The following MYH11 variants were observed in gnomAD, a reference collection of about 807,000 sequenced individuals.
MYH11 encodes the protein myosin-11.
Under a neutral mutation model 246.6 loss-of-function variants are expected in MYH11, and 80 were observed. The observed-to-expected ratio is 0.32, with a 90% CI of 0.27 to 0.39. The LOEUF (loss-of-function observed/expected upper bound fraction) is 0.39, where lower values mean the gene tolerates loss of function less well. Ranked by LOEUF, MYH11 falls within the 10% of genes least tolerant of loss-of-function variation. The pLI is 1.00. For missense variants in MYH11, 2,158 were observed against 2,546.8 expected, an observed-to-expected ratio of 0.85 and a Z score of 3.29; for synonymous variants, 1,071 against 1,015.5, an observed-to-expected ratio of 1.05 and a Z score of -1.04.
chr16:15,711,215 G>C (rs1024710176), intron 40 of MYH11: 1 of 152,180 alleles, frequency 6.6e-6, no homozygotes, highest in African/African-American at 2.4e-5. Context: ...TCACGCAGTG[G>C]TCCCCAAACT....
At chr16:15,724,112 C>T in intron 31 of MYH11, 49 bp downstream of exon 31, 1 of 1,610,058 alleles carries the variant, frequency 6.2e-7, no homozygotes, top group Non-Finnish European at 8.5e-7. Context: ...GAGCTGATTC[C>T]CCAACCCAGC....
At chr16:15,824,555 A>C (rs1383952412) in intron 2 of MYH11, among the ~76,000 whole-genome samples, 1 of 152,204 alleles carries the variant, frequency 6.6e-6, no homozygotes, top group Non-Finnish European at 1.5e-5. Context: ...TGCTGGGATT[A>C]CAGGTGGGAA....
chr16:15,786,162 T>G lies in MYH11; in HGVS notation c.633+468A>C, dbSNP rs140524009. 198 of 327,952 alleles carry G rather than the reference T, an allele frequency of 6.0e-4. 3 individuals are homozygous for G. In the East Asian group the frequency reaches 0.012, roughly 20 times the overall value. 20.3% of individuals were successfully genotyped at this position (327,952 alleles called of 1,614,324 possible). ...GGAGTGCTTCTCAATCAAGGGCAAC[T>G]GTCCCACCCCAGGGAACATCTGACA... On this transcript the variant is annotated intron_variant, in intron 5 of 40. Transcript: ENST00000300036.
At chr16:15,799,000 G>A (rs993179257) in intron 3 of MYH11, among the ~76,000 whole-genome samples, 7 of 152,180 alleles carry the variant, frequency 4.6e-5, no homozygotes, top group South Asian at 2.1e-4. Flanking sequence ...TTAGGTTAGG[G>A]ACCAAACGCA....
chr16:15,712,882 G>GTTGTTTTTTTTTTTTTTTTTTT (rs2039887286), intron 40 of MYH11: 2 of 90,634 alleles, frequency 2.2e-5, no homozygotes. Context: ...TTCACATACA[G>GTTGTTTTTTTTTTTTTTTTTTT]TTTTTTTTTT....
chr16:15,708,886 G>A, intron 40 of MYH11: 1 of 1,565,430 alleles, frequency 6.4e-7, no homozygotes, highest in Non-Finnish European at 8.8e-7. Context: ...CAGCAAACAA[G>A]AAGGAGCCCG....
rs527381094 is a variant in MYH11 at position 15,719,565 on chromosome 16, C to T, written c.5082+20G>A. 2.7e-5 allele frequency: 43 copies of T among 1,613,624 alleles called. No individual in the cohort carries two copies. Among genetic ancestry groups the T allele is most frequent in the Non-Finnish European group, 3.6e-5 (42 of 1,180,006 alleles). On this transcript the variant is annotated intron_variant, in intron 35 of 40. Transcript: ENST00000300036. The stretch of plus-strand genomic sequence containing the variant: ...CGTGACACCCGCATCTGAGGCTCTC[C>T]TAGCAAGGCGAGGCTTTACCTCTTG...
At chr16:15,717,942 G>C (rs755255914) in intron 37 of MYH11, 11 of 363,770 alleles carry the variant, frequency 3.0e-5, no homozygotes, top group Non-Finnish European at 4.7e-5. Context: ...ATGGTCCCTA[G>C]TGCCCACCAT....
chr16:15,834,684 T>C (rs1473488850), intron 2 of MYH11, among the ~76,000 whole-genome samples: 2 of 152,168 alleles, frequency 1.3e-5, no homozygotes, highest in Non-Finnish European at 2.9e-5. Context: ...TCAGCTTCCT[T>C]CCCTAAAAGG....
At chr16:15,707,733 A>T (rs2039533024) in intron 40 of MYH11, among the ~76,000 whole-genome samples, 1 of 152,160 alleles carries the variant, frequency 6.6e-6, no homozygotes, top group Admixed American at 6.6e-5. Context: ...GCATTTGGGG[A>T]GGCCAAGGCG....
chr16:15,726,369 C>T (rs370168978), intron 28 of MYH11: 1,709 of 149,592 alleles, frequency 0.011, 26 homozygotes, highest in African/African-American at 0.04. Flanking sequence ...GGTTTTTTTT[C>T]TTTTTTTTTT....
chr16:15,802,928 G>C (rs2042920664), intron 3 of MYH11, among the ~76,000 whole-genome samples: 1 of 152,076 alleles, frequency 6.6e-6, no homozygotes. Context: ...CCTGAGGTCA[G>C]GAGTTCGAGA....
rs1263242137 is a variant in MYH11, at chr16:15,838,061, C to G, written c.192G>C (p.Glu64Asp). The change falls in exon 2 of 41, where the codon GAG becomes GAC. Residue 64 changes from glutamate (E) to aspartate (D), a missense_variant. By Grantham distance (45) the Glu-to-Asp change is conservative (BLOSUM62 2). This residue lies in a region of MYH11 where 96 missense variants were observed against 91.9 expected (regional missense o/e 1.04). Coordinates refer to ENST00000300036, the MANE Select transcript of MYH11 (RefSeq NM_002474.3). ...KGDEVVVELV[E>D]NGKKVTVGKD... ...TCCCAACCGTGACCTTCTTGCCATT[C>G]TCCACCAGCTCCACAACCACCTCAT... is the stretch of plus-strand genomic sequence containing the variant. 1 of 1,614,152 alleles carries G rather than the reference C, an allele frequency of 6.2e-7. No individual in the cohort carries two copies.
At chr16:15,805,758 T>C (rs8050382) in intron 3 of MYH11, among the ~76,000 whole-genome samples, 7,008 of 151,066 alleles carry the variant, frequency 0.046, 196 homozygotes, top group Middle Eastern at 0.089. Flanking sequence ...CAAAAAAAAA[T>C]GCAAACATTA....
chr16:15,780,578 G>A (rs2042330297), intron 6 of MYH11, among the ~76,000 whole-genome samples: 2 of 147,102 alleles, frequency 1.4e-5, no homozygotes, highest in African/African-American at 2.5e-5. Flanking sequence ...ATCTCCCCGG[G>A]TTCAAGGAAT....
At chr16:15,851,616 T>G (rs1354918642) in intron 1 of MYH11, among the ~76,000 whole-genome samples, 1 of 152,060 alleles carries the variant, frequency 6.6e-6, no homozygotes, top group Admixed American at 6.6e-5. Flanking sequence ...CCCCTCACCA[T>G]TCACATCCCC....
intron 2 of MYH11, among the ~76,000 whole-genome samples, chr16:15,832,943 C>CTTTTTT (rs780380104): frequency 2.0e-4 from 11 of 55,440 alleles, no homozygotes; most frequent in Non-Finnish European, 3.5e-4. Flanking sequence ...GCAACCTCAT[C>CTTTTTT]TTTTTTTTTT....
intron 3 of MYH11, among the ~76,000 whole-genome samples, chr16:15,807,695 G>A (rs1203571007): frequency 1.3e-5 from 2 of 152,068 alleles, no homozygotes; most frequent in African/African-American, 4.8e-5. Flanking sequence ...GATCCCTGGG[G>A]CTCATGTCAC....
intron 40 of MYH11, among the ~76,000 whole-genome samples, chr16:15,705,521 A>G (rs1168019551): frequency 1.3e-5 from 2 of 152,228 alleles, no homozygotes; most frequent in Non-Finnish European, 2.9e-5. Flanking sequence ...AGCAACCGCA[A>G]CAAATAATTA....
Sources: allele counts gnomAD v4.1 joint callset (sites outside exome capture counted in the v4.1 genomes callset), GRCh38; gene constraint gnomAD v4.1.1; regional missense constraint gnomAD v4.1.1; transcripts MANE v1.5; gene names NCBI Gene and HGNC (gene_info 2026-07-23, HGNC 2026-07-21).